Variants in DPYSL3 observed in about 807,000 individuals in gnomAD.
DPYSL3 encodes dihydropyrimidinase-related protein 3.
A neutral mutation model predicts 66.1 loss-of-function variants in DPYSL3; 16 were observed. The ratio of observed to expected loss-of-function variants is 0.24; its 90% CI spans 0.16 to 0.37. The LOEUF is 0.37. Ranked by LOEUF, DPYSL3 falls within the 10% of genes least tolerant of loss-of-function variation. DPYSL3 has a pLI of 1.00. For missense variants in DPYSL3, 738 were observed against 916.2 expected (o/e 0.81, Z 2.51); for synonymous variants, 338 against 345.1 (o/e 0.98, Z 0.23).
At chr5:147,461,914 C>T (rs763648013) in intron 1 of DPYSL3, among the ~76,000 whole-genome samples, 5 of 152,082 alleles carry the variant, frequency 3.3e-5, no homozygotes, top group Non-Finnish European at 7.4e-5. Flanking sequence ...GAAGACCAAG[C>T]AGAAAGCTCC....
intron 1 of DPYSL3, among the ~76,000 whole-genome samples, chr5:147,501,809 T>C (rs1753616585): frequency 6.6e-6 from 1 of 152,046 alleles, no homozygotes; most frequent in Admixed American, 6.5e-5. Flanking sequence ...TCATCAATTG[T>C]AAAAAATCGA....
At chr5:147,503,161 G>A (rs907836441) in intron 1 of DPYSL3, among the ~76,000 whole-genome samples, 1 of 152,162 alleles carries the variant, frequency 6.6e-6, no homozygotes, top group Non-Finnish European at 1.5e-5. Flanking sequence ...TATCTATTTA[G>A]TCTAGGGACC....
chr5:147,483,104 C>T (rs1159772271), intron 1 of DPYSL3, among the ~76,000 whole-genome samples: 2 of 152,160 alleles, frequency 1.3e-5, no homozygotes, highest in African/African-American at 2.4e-5. Flanking sequence ...AACCATATGG[C>T]GGTGCTCACA....
chr5:147,414,983 G>A (rs944120929), intron 4 of DPYSL3, among the ~76,000 whole-genome samples: 5 of 152,122 alleles, frequency 3.3e-5, no homozygotes, highest in Non-Finnish European at 5.9e-5. Context: ...CCCCCAGGCC[G>A]CCTTACAATG....
intron 1 of DPYSL3, among the ~76,000 whole-genome samples, chr5:147,447,977 T>C (rs773692648): frequency 1.3e-4 from 20 of 152,220 alleles, no homozygotes; most frequent in Non-Finnish European, 2.5e-4. Context: ...GACTCATTCC[T>C]ACTACTGTAA....
At chr5:147,484,729 A>G (rs1487392783) in intron 1 of DPYSL3, among the ~76,000 whole-genome samples, 1 of 152,202 alleles carries the variant, frequency 6.6e-6, no homozygotes, top group Non-Finnish European at 1.5e-5. Flanking sequence ...AGATAACCGA[A>G]TGCTTCAAAT....
Position 147,493,261 on chromosome 5 carries a change from C to T in DPYSL3, c.381+16217G>A, listed in dbSNP as rs192472982. Among the ~76,000 whole-genome samples the T allele has an allele frequency of 4.9e-3, 749 of 152,224 alleles. 6 individuals are homozygous for T. Among genetic ancestry groups the T allele is most frequent in the African/African-American group, 0.017 (689 of 41,544 alleles). On this transcript the variant is annotated intron_variant, in intron 1 of 13. Coordinates refer to ENST00000343218, the MANE Select transcript of DPYSL3 (RefSeq NM_001197294.2). ...CCATTATGATAGTTGGAAATTTTAA[C>T]GCTTTTCTATCAGAAATGGACAGAT...
chr5:147,499,966 T>G (rs1753578259), intron 1 of DPYSL3, among the ~76,000 whole-genome samples: 1 of 152,142 alleles, frequency 6.6e-6, no homozygotes, highest in South Asian at 2.1e-4. Context: ...ACAAATAGTA[T>G]TAAAACAACT....
chr5:147,447,753 C>G (rs573658784), intron 1 of DPYSL3, among the ~76,000 whole-genome samples: 1 of 152,232 alleles, frequency 6.6e-6, no homozygotes, highest in African/African-American at 2.4e-5. Context: ...GTCTGTAATC[C>G]CAGCTACTCA....
In DPYSL3 at chr5:147,400,675, T is replaced by C; in HGVS notation, c.1452+17A>G. The C allele has an allele frequency of 6.2e-7, 1 of 1,612,518 alleles. No individual in the cohort carries two copies. Among genetic ancestry groups the C allele is most frequent in the South Asian group, 1.1e-5 (1 of 90,754 alleles). Reference sequence around the variant, plus strand: ...TGTTTTGGCTCTGGCCACCCTCCCATGACCTCCATGCCTTACCACAGCCTT... The same window carrying C: ...TGTTTTGGCTCTGGCCACCCTCCCACGACCTCCATGCCTTACCACAGCCTT... On this transcript the variant is annotated intron_variant, in intron 10 of 13. Coordinates refer to ENST00000343218, the MANE Select transcript of DPYSL3 (RefSeq NM_001197294.2).
intron 2 of DPYSL3, among the ~76,000 whole-genome samples, chr5:147,421,328 A>G (rs545259319): frequency 6.6e-6 from 1 of 152,326 alleles, no homozygotes; most frequent in African/African-American, 2.4e-5. Flanking sequence ...GACCTCTTCA[A>G]GGAGAACTAT....
chr5:147,466,479 C>A (rs1490743570), intron 1 of DPYSL3, among the ~76,000 whole-genome samples: 1 of 152,196 alleles, frequency 6.6e-6, no homozygotes, highest in African/African-American at 2.4e-5. Flanking sequence ...AAGACTGAAT[C>A]CCGGAACTAC....
chr5:147,485,312 T>C (rs1168102312), intron 1 of DPYSL3, among the ~76,000 whole-genome samples: 2 of 152,154 alleles, frequency 1.3e-5, no homozygotes, highest in East Asian at 3.9e-4. Flanking sequence ...GTTCATGCAG[T>C]TTACTTAATC....
rs143645848 is a variant in DPYSL3, at chr5:147,421,209, A to G, written c.471-2578T>C. Reference sequence around the variant, plus strand: ...ATGTGCAAAAATCACAAGCATTCCTATACACCAGTAATGGACAAATAGAGA... The same window carrying G: ...ATGTGCAAAAATCACAAGCATTCCTGTACACCAGTAATGGACAAATAGAGA... On this transcript the variant is annotated intron_variant, in intron 2 of 13. Transcript: ENST00000343218. Among the ~76,000 whole-genome samples the G allele has an allele frequency of 8.9e-3, 1,362 of 152,340 alleles. 20 individuals carry two copies. The highest frequency in any genetic ancestry group is 0.031 in the African/African-American group (1,301 of 41,574).
At chr5:147,470,270 T>C (rs1753066842) in intron 1 of DPYSL3, among the ~76,000 whole-genome samples, 1 of 152,152 alleles carries the variant, frequency 6.6e-6, no homozygotes. Flanking sequence ...CTGCATATTA[T>C]TCTTGGTATT....
chr5:147,435,024 T>C (rs949021888), intron 1 of DPYSL3, among the ~76,000 whole-genome samples: 13 of 152,150 alleles, frequency 8.5e-5, no homozygotes, highest in South Asian at 2.1e-4. Flanking sequence ...AAAGAGTCTA[T>C]GGGAGCTCTC....
At chr5:147,400,888 G>T in intron 9 of DPYSL3, 55 bp from the exon 10 acceptor site, 1 of 1,587,080 alleles carries the variant, frequency 6.3e-7, no homozygotes, top group East Asian at 2.2e-5. Flanking sequence ...AGGCACACTG[G>T]GAGCTTAGAG....
chr5:147,452,747 C>T (rs1027523918), intron 1 of DPYSL3, among the ~76,000 whole-genome samples: 1 of 152,160 alleles, frequency 6.6e-6, no homozygotes, highest in Non-Finnish European at 1.5e-5. Flanking sequence ...GTGTCTCCGT[C>T]TTGCACACAA....
At chr5:147,493,149 A>C (rs1753441426) in intron 1 of DPYSL3, among the ~76,000 whole-genome samples, 1 of 152,238 alleles carries the variant, frequency 6.6e-6, no homozygotes, top group African/African-American at 2.4e-5. Flanking sequence ...AAGGCATAAC[A>C]ACCCTCAATG....
Sources: allele counts gnomAD v4.1 joint callset (sites outside exome capture counted in the v4.1 genomes callset), GRCh38; gene constraint gnomAD v4.1.1; transcripts MANE v1.5; gene names NCBI Gene and HGNC (gene_info 2026-07-23, HGNC 2026-07-21).